The following ANKRD45 variants were observed in gnomAD, a reference collection of about 807,000 sequenced individuals.
The protein encoded by ANKRD45 is ankyrin repeat domain-containing protein 45.
ANKRD45 carries 21 observed loss-of-function variants against 28.1 expected under a neutral mutation model. The observed-to-expected ratio is 0.75, with a 90% CI of 0.53 to 1.08. ANKRD45 has a LOEUF of 1.08. Ranked by LOEUF, ANKRD45 falls within the 50% of genes least tolerant of loss-of-function variation. The pLI, the probability that ANKRD45 is intolerant of heterozygous loss-of-function variation, is 0.00. For synonymous variants in ANKRD45, 86 were observed against 103.9 expected (o/e 0.83, Z 1.05); for missense variants, 261 against 308.7 (o/e 0.85, Z 1.16).
At chr1:173,647,356 G>T (rs1312967226) in intron 2 of ANKRD45, among the ~76,000 whole-genome samples, 2 of 152,122 alleles carry the variant, frequency 1.3e-5, no homozygotes, top group Non-Finnish European at 2.9e-5. Flanking sequence ...AATCTCCCTA[G>T]CAGTCACCTA....
intron 2 of ANKRD45, 130 bp from the exon 3 acceptor site, chr1:173,647,143 T>A: frequency 1.3e-6 from 1 of 776,572 alleles, no homozygotes; most frequent in Non-Finnish European, 1.9e-6. Context: ...TCTAACTGTC[T>A]TACATATAGA....
At chr1:173,682,684 T>TACGCACACACACACACAC in the ANKRD45 span, among the ~76,000 whole-genome samples, 783 of 144,020 alleles carry the variant, frequency 5.4e-3, 6 homozygotes, top group Non-Finnish European at 8.4e-3. Flanking sequence ...GCCTTTTAAA[T>TACGCACACACACACACAC]ACACACACAC....
At chr1:173,642,922 T>C (rs1263537079) in intron 3 of ANKRD45, among the ~76,000 whole-genome samples, 1 of 152,158 alleles carries the variant, frequency 6.6e-6, no homozygotes. Flanking sequence ...TGTGCGCTCT[T>C]GTGGCAAGAC....
At chr1:173,641,031 T>C (rs1668678424) in intron 3 of ANKRD45, among the ~76,000 whole-genome samples, 1 of 152,180 alleles carries the variant, frequency 6.6e-6, no homozygotes. Flanking sequence ...TAGGCATTTT[T>C]GAGATATGCA....
chr1:173,627,082 G>C lies in ANKRD45; in HGVS notation c.574C>G (p.Leu192Val). ...TACAGTACCTTGTCTTCCTTAAGGA[G>C]TTTCCCTGATCCCTTTTCTGTGTCA... ...VTDTEKGSGK[L>V]LKEDKNTILS... The change falls in exon 4 of 6, where the codon CTC becomes GTC. Residue 192 changes from leucine to valine, a missense_variant. Transcript: ENST00000333279. 6.2e-7 allele frequency: 1 copy of C among 1,609,882 alleles called. No homozygotes were observed.
At chr1:173,701,212 C>T in the ANKRD45 span, among the ~76,000 whole-genome samples, 1 of 152,214 alleles carries the variant, frequency 6.6e-6, no homozygotes, top group Admixed American at 6.5e-5. Context: ...CACTTTTACA[C>T]TGTTGGTGGG....
At chr1:173,678,725 GAAAT>G in the ANKRD45 span, among the ~76,000 whole-genome samples, 1 of 152,158 alleles carries the variant, frequency 6.6e-6, no homozygotes. Flanking sequence ...GCAAGAGAAA[GAAAT>G]AAAGTGTATT....
At chr1:173,628,934 G>A (rs1668066601) in intron 3 of ANKRD45, among the ~76,000 whole-genome samples, 1 of 151,962 alleles carries the variant, frequency 6.6e-6, no homozygotes, top group South Asian at 2.1e-4. Context: ...GCTCAGCACA[G>A]AGAGAGAGAC....
chr1:173,669,097 G>A (rs1670142977), intron 1 of ANKRD45, among the ~76,000 whole-genome samples: 1 of 152,214 alleles, frequency 6.6e-6, no homozygotes, highest in Non-Finnish European at 1.5e-5. Flanking sequence ...TTTTGGTAGG[G>A]AAGACACAAG....
intron 2 of ANKRD45, among the ~76,000 whole-genome samples, chr1:173,655,475 T>C (rs992819490): frequency 1.3e-5 from 2 of 152,170 alleles, no homozygotes; most frequent in African/African-American, 4.8e-5. Flanking sequence ...TGCCTGATCC[T>C]TCCTCTGGAA....
intron 2 of ANKRD45, among the ~76,000 whole-genome samples, chr1:173,651,356 T>A (rs1322063460): frequency 2.6e-5 from 4 of 152,218 alleles, no homozygotes; most frequent in Non-Finnish European, 5.9e-5. Context: ...GGGAATTCTT[T>A]CCCCATTTCT....
chr1:173,697,965 AG>A, the ANKRD45 span, among the ~76,000 whole-genome samples: 1 of 151,688 alleles, frequency 6.6e-6, no homozygotes, highest in Non-Finnish European at 1.5e-5. Context: ...AAAGGGATGG[AG>A]GAAAATTTAC....
At chr1:173,663,536 C>CT (rs1216598675) in intron 1 of ANKRD45, among the ~76,000 whole-genome samples, 1 of 152,106 alleles carries the variant, frequency 6.6e-6, no homozygotes, top group Admixed American at 6.6e-5. Flanking sequence ...TTTAACAAGG[C>CT]TTTTTTCTAA....
chr1:173,623,504 G>A (rs527762306), intron 5 of ANKRD45, among the ~76,000 whole-genome samples: 21 of 152,310 alleles, frequency 1.4e-4, no homozygotes, highest in Admixed American at 1.2e-3. Flanking sequence ...CTTATACACT[G>A]TTGGTAGGAA....
chr1:173,635,516 A>C, intron 3 of ANKRD45: 1 of 1,495,686 alleles, frequency 6.7e-7, no homozygotes, highest in South Asian at 1.3e-5. Flanking sequence ...CAATTGACAA[A>C]GAAGGATGTC....
chr1:173,615,779 T>C (rs2102313100), intron 5 of ANKRD45, among the ~76,000 whole-genome samples: 1 of 151,674 alleles, frequency 6.6e-6, no homozygotes, highest in South Asian at 2.1e-4. Flanking sequence ...GCCAAAAGAG[T>C]GGAAACCCAA....
chr1:173,714,572 T>G, the ANKRD45 span, among the ~76,000 whole-genome samples: 1 of 152,210 alleles, frequency 6.6e-6, no homozygotes, highest in Non-Finnish European at 1.5e-5. Context: ...GACAGATACA[T>G]GCCAACCCAT....
At chr1:173,610,537 C>T (rs558310145) in intron 5 of ANKRD45, among the ~76,000 whole-genome samples, 1 of 152,206 alleles carries the variant, frequency 6.6e-6, no homozygotes, top group East Asian at 1.9e-4. Context: ...TTCAGAGGTT[C>T]CATCAAGATC....
rs556682948 is a variant in ANKRD45, at chr1:173,652,985, C to A, written c.329-5972G>T. ...TATTGTGTCTATTTGATTCTTCTCT[C>A]TTTTCTTCTTTATTAGTCTTGTTAG... is the stretch of plus-strand genomic sequence containing the variant. On this transcript the variant is annotated intron_variant, in intron 2 of 5. Transcript: ENST00000333279. Among the ~76,000 whole-genome samples the A allele has an allele frequency of 2.6e-5, 4 of 152,176 alleles. 1 individual carries two copies. The highest frequency in any genetic ancestry group is 7.2e-5 in the African/African-American group (3 of 41,520).
Sources: gnomAD v4.1 joint callset for allele counts (sites outside exome capture counted in the v4.1 genomes callset) on GRCh38, gnomAD v4.1.1 for gene constraint, MANE v1.5 for transcripts, NCBI Gene and HGNC (gene_info 2026-07-23, HGNC 2026-07-21) for gene names.